Variants in GKAP1 observed in about 807,000 individuals in gnomAD.
GKAP1 encodes G kinase-anchoring protein 1.
Under a neutral mutation model 56.7 loss-of-function variants are expected in GKAP1, and 31 were observed. The ratio of observed to expected loss-of-function variants is 0.55; its 90% CI spans 0.41 to 0.74. GKAP1 has a LOEUF of 0.74. GKAP1 is among the 30% of genes least tolerant of loss of function. GKAP1 has a pLI of 0.00. For missense variants in GKAP1, 364 were observed against 402.3 expected (o/e 0.90, Z 0.82); for synonymous variants, 151 against 138.6 (o/e 1.09, Z -0.63).
At chr9:83,786,199 C>A (rs1295210569) in intron 5 of GKAP1, among the ~76,000 whole-genome samples, 2 of 152,220 alleles carry the variant, frequency 1.3e-5, no homozygotes, top group Non-Finnish European at 2.9e-5. Context: ...AAGGGGCACA[C>A]TTTGGCTATT....
At chr9:83,815,756 G>C (rs184362474) in intron 2 of GKAP1, among the ~76,000 whole-genome samples, 8 of 152,242 alleles carry the variant, frequency 5.3e-5, no homozygotes, top group African/African-American at 1.7e-4. Context: ...ATATAACTTA[G>C]ATCGAAATTA....
Position 83,772,122 on chromosome 9 carries a change from G to A in GKAP1, c.586-3152C>T, listed in dbSNP as rs193121016. Among the ~76,000 whole-genome samples, 3 of 152,124 alleles carry A rather than the reference G, an allele frequency of 2.0e-5. No individual in the cohort carries two copies. The East Asian group carries it at 5.8e-4, about 29-fold the overall frequency. ...AAAAAAAGATTAAAATATGGCAAAT[G>A]TAAGAACATAAAATATTTAACATAA... On this transcript the variant is annotated intron_variant, in intron 7 of 12. Coordinates refer to ENST00000376371, the MANE Select transcript of GKAP1 (RefSeq NM_025211.4).
intron 2 of GKAP1, among the ~76,000 whole-genome samples, chr9:83,814,987 CG>C (rs1455264325): frequency 6.6e-6 from 1 of 152,046 alleles, no homozygotes; most frequent in East Asian, 1.9e-4. Flanking sequence ...TCCTGGCCAA[CG>C]TAGTGAAACC....
intron 8 of GKAP1, among the ~76,000 whole-genome samples, chr9:83,758,736 T>TC (rs1018498874): frequency 6.7e-6 from 1 of 149,022 alleles, no homozygotes; most frequent in South Asian, 2.1e-4. Flanking sequence ...TGACAGAGAC[T>TC]CCATCTCCAA....
In GKAP1 at chr9:83,772,636, A is replaced by G. The variant is rs558843114; in HGVS notation, c.586-3666T>C. On this transcript the variant is annotated intron_variant, in intron 7 of 12. Coordinates refer to ENST00000376371, the MANE Select transcript of GKAP1 (RefSeq NM_025211.4). ...AAATATGTACATCTATTTTGTATCA[A>G]TAAAAAATTAAAAAGAAAAGGCAAG... Among the ~76,000 whole-genome samples, 111 of 152,322 alleles carry G rather than the reference A, an allele frequency of 7.3e-4. 1 individual carries two copies. In the South Asian group the frequency reaches 0.022, roughly 30 times the overall value.
At chr9:83,799,150 T>C (rs1251628150) in intron 4 of GKAP1, 35 bp downstream of exon 4, 7 of 1,598,786 alleles carry the variant, frequency 4.4e-6, no homozygotes, top group Non-Finnish European at 6.0e-6. Flanking sequence ...ATAAATTCAA[T>C]GAAAAACAAA....
intron 10 of GKAP1, among the ~76,000 whole-genome samples, chr9:83,747,225 C>G (rs1432215246): frequency 6.6e-6 from 1 of 152,164 alleles, no homozygotes; most frequent in African/African-American, 2.4e-5. Flanking sequence ...ATAAATGTCA[C>G]TAGGTATATA....
intron 2 of GKAP1, among the ~76,000 whole-genome samples, chr9:83,816,031 CAA>C (rs72114457): frequency 8.8e-5 from 8 of 91,400 alleles, no homozygotes; most frequent in Middle Eastern, 6.0e-3. Flanking sequence ...ATTAAAAATA[CAA>C]AAAAAAAAAA....
intron 10 of GKAP1, among the ~76,000 whole-genome samples, chr9:83,747,198 T>A (rs1007242075): frequency 3.3e-5 from 5 of 152,206 alleles, no homozygotes; most frequent in African/African-American, 1.2e-4. Context: ...ATGGAAAATT[T>A]TCATAAAACT....
intron 8 of GKAP1, among the ~76,000 whole-genome samples, chr9:83,755,883 C>T (rs1165842232): frequency 4.7e-5 from 7 of 149,888 alleles, no homozygotes; most frequent in Non-Finnish European, 1.5e-5. Context: ...CAGCTCACTG[C>T]AACCTCTGTC....
intron 3 of GKAP1, among the ~76,000 whole-genome samples, chr9:83,803,102 C>G (rs1438875227): frequency 6.6e-6 from 1 of 151,910 alleles, no homozygotes; most frequent in Non-Finnish European, 1.5e-5. Context: ...AGAGTGAGAC[C>G]CCGTCTCAAA....
At chr9:83,798,612 G>T (rs551941709) in intron 4 of GKAP1, among the ~76,000 whole-genome samples, 16 of 152,238 alleles carry the variant, frequency 1.1e-4, no homozygotes, top group African/African-American at 3.9e-4. Flanking sequence ...GACCTCCTGA[G>T]CTCTGATCTT....
chr9:83,765,330 G>A (rs938068311), intron 8 of GKAP1, among the ~76,000 whole-genome samples: 2 of 152,234 alleles, frequency 1.3e-5, no homozygotes, highest in Non-Finnish European at 2.9e-5. Context: ...ACTCCTGGAT[G>A]TCCAGGTAGA....
At chr9:83,768,202 A>G (rs188828892) in intron 8 of GKAP1, among the ~76,000 whole-genome samples, 1 of 152,260 alleles carries the variant, frequency 6.6e-6, no homozygotes, top group Admixed American at 6.5e-5. Flanking sequence ...GCTTAACTGT[A>G]AACTTCTTAG....
intron 10 of GKAP1, among the ~76,000 whole-genome samples, chr9:83,743,101 T>G (rs1362794978): frequency 7.2e-5 from 11 of 152,184 alleles, no homozygotes; most frequent in Admixed American, 7.2e-4. Context: ...AGGTGGTGGT[T>G]GCTGTGAGCC....
chr9:83,750,969 G>A (rs1460160586), intron 9 of GKAP1, among the ~76,000 whole-genome samples: 5 of 152,136 alleles, frequency 3.3e-5, no homozygotes, highest in African/African-American at 7.2e-5. Flanking sequence ...CCAAGTAGCT[G>A]GGACTACAGG....
chr9:83,777,160 T>TGTTA (rs1328915626), intron 7 of GKAP1, among the ~76,000 whole-genome samples: 2 of 152,220 alleles, frequency 1.3e-5, no homozygotes, highest in African/African-American at 4.8e-5. Context: ...TGACAACCAC[T>TGTTA]GTTACAGTTT....
intron 7 of GKAP1, among the ~76,000 whole-genome samples, chr9:83,776,666 G>A (rs75698992): frequency 0.013 from 1,970 of 152,214 alleles, 38 homozygotes; most frequent in African/African-American, 0.045. Context: ...GCAAGATAGC[G>A]AGACTCCATC....
rs1407764907 is a variant in GKAP1, at chr9:83,760,233, C to CA, written c.739-6875dup. Among the ~76,000 whole-genome samples the CA allele has an allele frequency of 3.4e-4, 51 of 151,972 alleles. 1 individual carries two copies. Among genetic ancestry groups the CA allele is most frequent in the Non-Finnish European group, 2.9e-5 (2 of 67,974 alleles). Reference sequence around the variant, plus strand: ...CAGGAGTAGCTATATTAATATCAGACAAAATAGATTTCAAGACAAGAACTA... The same window carrying CA: ...CAGGAGTAGCTATATTAATATCAGACAAAAATAGATTTCAAGACAAGAACTA... On this transcript the variant is annotated intron_variant, in intron 8 of 12. Coordinates refer to ENST00000376371, the MANE Select transcript of GKAP1 (RefSeq NM_025211.4).
Sources: gnomAD v4.1 joint callset for allele counts (sites outside exome capture counted in the v4.1 genomes callset) on GRCh38, gnomAD v4.1.1 for gene constraint, MANE v1.5 for transcripts, NCBI Gene and HGNC (gene_info 2026-07-23, HGNC 2026-07-21) for gene names.